Variants in HPSE2 observed in about 807,000 individuals in gnomAD.
HPSE2 encodes inactive heparanase-2.
A neutral mutation model predicts 60.5 loss-of-function variants in HPSE2; 38 were observed. The ratio of observed to expected loss-of-function variants is 0.63; its 90% CI spans 0.48 to 0.82. The LOEUF (loss-of-function observed/expected upper bound fraction) is 0.82, where lower values mean the gene tolerates loss of function less well. HPSE2 is among the 40% of genes least tolerant of loss of function. The pLI, the probability that HPSE2 is intolerant of heterozygous loss-of-function variation, is 0.00. For synonymous variants in HPSE2, 295 were observed against 293.2 expected (o/e 1.01, Z -0.06); for missense variants, 713 against 740.4 (o/e 0.96, Z 0.43).
intron 9 of HPSE2, among the ~76,000 whole-genome samples, chr10:98,535,222 TA>T (rs1261622756): frequency 1.3e-5 from 2 of 152,212 alleles, no homozygotes; most frequent in African/African-American, 4.8e-5. Context: ...CAATTTTATA[TA>T]AAAACTAGTT....
chr10:99,273,332 T>C, the HPSE2 span, among the ~76,000 whole-genome samples: 1 of 152,284 alleles, frequency 6.6e-6, no homozygotes, highest in Non-Finnish European at 1.5e-5. Flanking sequence ...GTTCAGGTGA[T>C]GGTTGCATCA....
At chr10:98,819,364 C>T (rs116060938) in intron 3 of HPSE2, among the ~76,000 whole-genome samples, 1,805 of 151,332 alleles carry the variant, frequency 0.012, 24 homozygotes, top group African/African-American at 0.041. Flanking sequence ...TTCTAATATA[C>T]CTTTAACAGT....
At chr10:99,008,701 T>A (rs1956944048) in intron 3 of HPSE2, among the ~76,000 whole-genome samples, 1 of 152,200 alleles carries the variant, frequency 6.6e-6, no homozygotes. Flanking sequence ...AATGTGTCAA[T>A]AATCGAGAGA....
intron 9 of HPSE2, among the ~76,000 whole-genome samples, chr10:98,537,117 G>GT (rs1564948731): frequency 1.3e-5 from 2 of 152,232 alleles, no homozygotes; most frequent in Non-Finnish European, 2.9e-5. Context: ...AGATGAAGGA[G>GT]TAAGTTAAGT....
At chr10:98,621,709 G>A (rs1476103900) in intron 7 of HPSE2, among the ~76,000 whole-genome samples, 2 of 152,258 alleles carry the variant, frequency 1.3e-5, no homozygotes, top group African/African-American at 2.4e-5. Context: ...GAAAGCATGA[G>A]TAGCCTTGTG....
chr10:99,208,911 G>C (rs1156394723), intron 2 of HPSE2, among the ~76,000 whole-genome samples: 2 of 151,920 alleles, frequency 1.3e-5, no homozygotes, highest in Non-Finnish European at 1.5e-5. Context: ...AGACAAAAAA[G>C]GTCATAAAAC....
At chr10:98,919,467 G>A (rs1251915660) in intron 3 of HPSE2, among the ~76,000 whole-genome samples, 1 of 152,072 alleles carries the variant, frequency 6.6e-6, no homozygotes, top group Non-Finnish European at 1.5e-5. Context: ...ACTAAACCGC[G>A]ACAAGATTAG....
chr10:99,196,192 A>G (rs930406540), intron 2 of HPSE2, among the ~76,000 whole-genome samples: 1 of 152,180 alleles, frequency 6.6e-6, no homozygotes, highest in Admixed American at 6.5e-5. Flanking sequence ...CTCTTACTGT[A>G]TGCAAAAATC....
chr10:98,620,783 C>A, intron 7 of HPSE2, 75 bp from the exon 8 acceptor site: 1 of 970,586 alleles, frequency 1.0e-6, no homozygotes, highest in Non-Finnish European at 1.6e-6. Flanking sequence ...AACACACATT[C>A]CCTTAAGGAA....
chr10:98,976,880 C>T (rs1214432471), intron 3 of HPSE2, among the ~76,000 whole-genome samples: 2 of 152,046 alleles, frequency 1.3e-5, no homozygotes, highest in Non-Finnish European at 1.5e-5. Flanking sequence ...GGCCTTCAAT[C>T]CAATAACAAG....
intron 11 of HPSE2, 96 bp from the exon 12 acceptor site, chr10:98,459,835 C>T: frequency 9.0e-7 from 1 of 1,115,708 alleles, no homozygotes; most frequent in Non-Finnish European, 1.3e-6. Context: ...GTGTCTGATA[C>T]ACACACACAG....
chr10:99,192,892 G>A (rs1178607985), intron 2 of HPSE2, among the ~76,000 whole-genome samples: 2 of 152,010 alleles, frequency 1.3e-5, no homozygotes, highest in Non-Finnish European at 2.9e-5. Context: ...ATCCTAAAGG[G>A]AGTTTTTCAT....
At chr10:98,915,030 A>T (rs1482162343) in intron 3 of HPSE2, among the ~76,000 whole-genome samples, 2 of 152,044 alleles carry the variant, frequency 1.3e-5, no homozygotes, top group African/African-American at 4.8e-5. Flanking sequence ...CTGGAAGGAA[A>T]TATGCCAAAT....
chr10:98,653,454 T>G (rs1946973788), intron 6 of HPSE2, among the ~76,000 whole-genome samples: 1 of 152,014 alleles, frequency 6.6e-6, no homozygotes, highest in Non-Finnish European at 1.5e-5. Flanking sequence ...TTCTCTGGTT[T>G]TAATTGAGCA....
At chr10:98,774,155 C>T (rs1371866657) in intron 3 of HPSE2, among the ~76,000 whole-genome samples, 1 of 152,082 alleles carries the variant, frequency 6.6e-6, no homozygotes, top group Non-Finnish European at 1.5e-5. Flanking sequence ...TCTGTAAATA[C>T]ATATATACAT....
At chr10:99,276,438 C>T in the HPSE2 span, among the ~76,000 whole-genome samples, 1 of 152,070 alleles carries the variant, frequency 6.6e-6, no homozygotes, top group Admixed American at 6.6e-5. Flanking sequence ...TGCTTCCAGC[C>T]CAGGGTTTTT....
At chr10:98,986,558 C>T (rs1452783538) in intron 3 of HPSE2, among the ~76,000 whole-genome samples, 4 of 151,536 alleles carry the variant, frequency 2.6e-5, no homozygotes, top group African/African-American at 4.8e-5. Flanking sequence ...CTAAAATTCA[C>T]ACCCTAACAT....
chr10:98,810,001 T>A (rs1039577989), intron 3 of HPSE2, among the ~76,000 whole-genome samples: 6 of 152,164 alleles, frequency 3.9e-5, no homozygotes, highest in Admixed American at 3.3e-4. Flanking sequence ...AAATTCATAA[T>A]TTTTTGTAAA....
intron 3 of HPSE2, among the ~76,000 whole-genome samples, chr10:98,820,437 G>T (rs1365537276): frequency 1.3e-5 from 2 of 152,130 alleles, no homozygotes; most frequent in African/African-American, 4.8e-5. Flanking sequence ...CTCAGACTGA[G>T]ACTATTACAA....
Sources: gnomAD v4.1 joint callset for allele counts (sites outside exome capture counted in the v4.1 genomes callset) on GRCh38, gnomAD v4.1.1 for gene constraint, MANE v1.5 for transcripts, NCBI Gene and HGNC (gene_info 2026-07-23, HGNC 2026-07-21) for gene names.